Variants in MACROD2 observed in about 807,000 individuals in gnomAD.
The protein encoded by MACROD2 is ADP-ribose glycohydrolase MACROD2.
Under a neutral mutation model 70.4 loss-of-function variants are expected in MACROD2, and 36 were observed. The observed-to-expected ratio is 0.51, with a 90% CI of 0.39 to 0.68. The LOEUF is 0.68. Among genes scored for constraint, MACROD2 ranks in the 30% least tolerant of loss-of-function variants. The pLI is 0.00. For synonymous variants in MACROD2, 172 were observed against 178.8 expected, an observed-to-expected ratio of 0.96 and a Z score of 0.30; for missense variants, 496 against 538.4, an observed-to-expected ratio of 0.92 and a Z score of 0.78.
chr20:15,425,901 A>C (rs1022253753), intron 6 of MACROD2, among the ~76,000 whole-genome samples: 2 of 152,210 alleles, frequency 1.3e-5, no homozygotes, highest in African/African-American at 4.8e-5. Context: ...CTTAGGGTTT[A>C]TTGTGTATGT....
chr20:14,396,470 T>C (rs1270625951), intron 3 of MACROD2, among the ~76,000 whole-genome samples: 1 of 152,210 alleles, frequency 6.6e-6, no homozygotes, highest in Non-Finnish European at 1.5e-5. Flanking sequence ...CCTTCTTTAT[T>C]CTTGGTAATA....
chr20:14,757,693 C>A, intron 5 of MACROD2: 1 of 1,448,476 alleles, frequency 6.9e-7, no homozygotes, highest in Non-Finnish European at 9.7e-7. Flanking sequence ...ACCTTCCTGT[C>A]ATAAAGGCCA....
intron 6 of MACROD2, among the ~76,000 whole-genome samples, chr20:15,234,281 C>T (rs1296296704): frequency 6.6e-6 from 1 of 150,492 alleles, no homozygotes; most frequent in Admixed American, 6.6e-5. Context: ...ATCCGCCCGC[C>T]TCGGCCTCCC....
At chr20:15,879,597 T>A (rs935971806) in intron 9 of MACROD2, among the ~76,000 whole-genome samples, 1 of 152,174 alleles carries the variant, frequency 6.6e-6, no homozygotes, top group Admixed American at 6.5e-5. Flanking sequence ...AGATGGTATG[T>A]CACTCCTCTG....
intron 8 of MACROD2, among the ~76,000 whole-genome samples, chr20:15,525,979 A>G (rs1455885722): frequency 6.6e-6 from 1 of 152,260 alleles, no homozygotes; most frequent in Non-Finnish European, 1.5e-5. Flanking sequence ...GGTTAGAAAT[A>G]ATAAAATAAA....
At chr20:15,141,474 A>C (rs2076192166) in intron 5 of MACROD2, among the ~76,000 whole-genome samples, 1 of 152,142 alleles carries the variant, frequency 6.6e-6, no homozygotes. Flanking sequence ...CTGGCTCCAT[A>C]ACTGTCCTTC....
intron 3 of MACROD2, among the ~76,000 whole-genome samples, chr20:14,098,995 C>T (rs185172276): frequency 1.4e-3 from 210 of 152,078 alleles, no homozygotes; most frequent in African/African-American, 4.5e-3. Flanking sequence ...AAAAGCAGAA[C>T]GTGGCTGGGT....
At chr20:14,360,540 C>T (rs1006134163) in intron 3 of MACROD2, among the ~76,000 whole-genome samples, 1 of 152,144 alleles carries the variant, frequency 6.6e-6, no homozygotes, top group East Asian at 1.9e-4. Context: ...AGATGTCTGA[C>T]CTGCACTGCT....
At chr20:15,488,640 C>G (rs2047190684) in intron 7 of MACROD2, among the ~76,000 whole-genome samples, 1 of 152,184 alleles carries the variant, frequency 6.6e-6, no homozygotes, top group African/African-American at 2.4e-5. Flanking sequence ...GGAAAGATCA[C>G]TAGCTACCAG....
At chr20:14,128,166 T>G (rs1344536527) in intron 3 of MACROD2, 2 of 438,480 alleles carry the variant, frequency 4.6e-6, no homozygotes, top group East Asian at 1.1e-4. Flanking sequence ...CTTTTGATGC[T>G]TTCCCTGGAG....
At chr20:14,794,542 A>T (rs1373073066) in intron 5 of MACROD2, among the ~76,000 whole-genome samples, 1 of 152,100 alleles carries the variant, frequency 6.6e-6, no homozygotes, top group Non-Finnish European at 1.5e-5. Context: ...AATAAGAGAT[A>T]TTTCTCGTTT....
At chr20:15,819,265 TAGAG>T (rs928149218) in intron 8 of MACROD2, among the ~76,000 whole-genome samples, 12 of 123,866 alleles carry the variant, frequency 9.7e-5, no homozygotes, top group African/African-American at 3.4e-4. Context: ...TTACATAGTA[TAGAG>T]AGATATCAAT....
chr20:14,025,967 G>A (rs984155336), intron 2 of MACROD2, among the ~76,000 whole-genome samples: 2 of 152,154 alleles, frequency 1.3e-5, no homozygotes, highest in African/African-American at 4.8e-5. Flanking sequence ...CACTATTACT[G>A]TGTGGGAGTC....
At chr20:14,402,251 A>T (rs2122839706) in intron 3 of MACROD2, among the ~76,000 whole-genome samples, 1 of 152,234 alleles carries the variant, frequency 6.6e-6, no homozygotes, top group East Asian at 1.9e-4. Context: ...TAAAACACTT[A>T]AGTTCTGGTT....
At chr20:15,765,795 A>G (rs1387642906) in intron 8 of MACROD2, among the ~76,000 whole-genome samples, 4 of 152,226 alleles carry the variant, frequency 2.6e-5, no homozygotes, top group Non-Finnish European at 4.4e-5. Context: ...GACAGATAAT[A>G]GAGCTTGTAC....
chr20:14,632,194 CA>C (rs1984550780), intron 4 of MACROD2, among the ~76,000 whole-genome samples: 1 of 151,882 alleles, frequency 6.6e-6, no homozygotes, highest in South Asian at 2.1e-4. Context: ...TAAGGGTGGT[CA>C]TTCTAAATAT....
chr20:14,502,241 T>G (rs1204718691), intron 4 of MACROD2, among the ~76,000 whole-genome samples: 1 of 152,180 alleles, frequency 6.6e-6, no homozygotes, highest in Admixed American at 6.5e-5. Context: ...GTGGGGCAAT[T>G]TCTTAGGGAG....
chr20:15,655,166 AAC>A lies in MACROD2; in HGVS notation c.645+155323_645+155324del, dbSNP rs550343496. Among the ~76,000 whole-genome samples, 46 of 152,060 alleles carry A rather than the reference AAC, an allele frequency of 3.0e-4. No individual in the cohort carries two copies. In the East Asian group the frequency reaches 7.2e-3, roughly 24 times the overall value. On this transcript the variant is annotated intron_variant, in intron 8 of 17. Coordinates refer to ENST00000684519, the MANE Select transcript of MACROD2 (RefSeq NM_001351661.2). ...TGTGTATGTATGTGTGTGTGTGTAA[AAC>A]ACATTCTCAAAAAGGGGGTGATAGT...
intron 6 of MACROD2, among the ~76,000 whole-genome samples, chr20:15,411,219 C>G (rs390522): frequency 0.78 from 117,440 of 151,496 alleles, 45,787 homozygotes; most frequent in Non-Finnish European, 0.81. Flanking sequence ...AAGCTACCAA[C>G]ACAGAAATTC....
Sources: allele counts gnomAD v4.1 joint callset (sites outside exome capture counted in the v4.1 genomes callset), GRCh38; gene constraint gnomAD v4.1.1; transcripts MANE v1.5; gene names NCBI Gene and HGNC (gene_info 2026-07-23, HGNC 2026-07-21).